The following RMST variants were observed in gnomAD, a reference collection of about 807,000 sequenced individuals.
The protein encoded by RMST is long intergenic non-protein coding RNA 54.
chr12:97,489,887 A>T (rs999024200), intron 5 of RMST, among the ~76,000 whole-genome samples: 7 of 152,178 alleles, frequency 4.6e-5, no homozygotes, highest in African/African-American at 1.7e-4. Flanking sequence ...TTCCCATTTT[A>T]TAGACAGTGG....
At chr12:97,535,133 G>A (rs973822464) in intron 11 of RMST, among the ~76,000 whole-genome samples, 1 of 151,614 alleles carries the variant, frequency 6.6e-6, no homozygotes, top group African/African-American at 2.4e-5. Flanking sequence ...ATAATGGTCA[G>A]TGGAATTACT....
chr12:97,557,022 C>T (rs191572576), intron 11 of RMST, among the ~76,000 whole-genome samples: 4 of 151,872 alleles, frequency 2.6e-5, no homozygotes, highest in African/African-American at 7.3e-5. Context: ...AGGTGCTTAA[C>T]GTTTTTGGTC....
chr12:97,530,524 C>T (rs1881533600), intron 10 of RMST: 1 of 152,052 alleles, frequency 6.6e-6, no homozygotes, highest in East Asian at 1.9e-4. Flanking sequence ...CTCTCGGAAT[C>T]TAAATGTGAC....
intron 10 of RMST, among the ~76,000 whole-genome samples, chr12:97,520,336 T>G (rs1880384148): frequency 6.6e-6 from 1 of 152,166 alleles, no homozygotes; most frequent in Non-Finnish European, 1.5e-5. Flanking sequence ...TTAATCCGTA[T>G]GTTTTAGTCA....
intron 11 of RMST, chr12:97,533,878 T>C (rs1301514422): frequency 6.6e-6 from 1 of 151,918 alleles, no homozygotes; most frequent in East Asian, 1.9e-4. Flanking sequence ...CTATAGTTTA[T>C]TTTTGCACAA....
chr12:97,524,888 G>T (rs1880929920), intron 10 of RMST, among the ~76,000 whole-genome samples: 2 of 152,176 alleles, frequency 1.3e-5, no homozygotes, highest in South Asian at 4.1e-4. Context: ...TATTTGAAAA[G>T]ATAAGGAAAG....
intron 5 of RMST, among the ~76,000 whole-genome samples, chr12:97,472,888 C>T (rs1210200143): frequency 3.3e-5 from 5 of 152,034 alleles, no homozygotes; most frequent in African/African-American, 9.7e-5. Context: ...CTCAATCATT[C>T]AATTGGCTTT....
chr12:97,494,249 T>C (rs553667765), intron 8 of RMST, among the ~76,000 whole-genome samples: 1 of 152,320 alleles, frequency 6.6e-6, no homozygotes, highest in Admixed American at 6.5e-5. Flanking sequence ...AATTGTTAAT[T>C]TTTATAATGA....
intron 9 of RMST, chr12:97,494,921 G>A (rs1047447696): frequency 1.3e-5 from 2 of 151,974 alleles, no homozygotes; most frequent in Non-Finnish European, 2.9e-5. Context: ...GATTTCATAC[G>A]ATTTTACTTA....
intron 11 of RMST, among the ~76,000 whole-genome samples, chr12:97,558,691 T>A (rs1883883950): frequency 6.6e-6 from 1 of 152,136 alleles, no homozygotes; most frequent in African/African-American, 2.4e-5. Context: ...AATGGAGATA[T>A]TGATGCCCTG....
chr12:97,549,787 A>T (rs1883187895), intron 11 of RMST, among the ~76,000 whole-genome samples: 3 of 152,330 alleles, frequency 2.0e-5, no homozygotes, highest in Middle Eastern at 3.4e-3. Context: ...ATGAGAAATC[A>T]TAAACATTAA....
intron 11 of RMST, among the ~76,000 whole-genome samples, chr12:97,553,431 A>G (rs1453410108): frequency 2.0e-5 from 3 of 152,186 alleles, no homozygotes; most frequent in Non-Finnish European, 4.4e-5. Context: ...GAGCTGTGCA[A>G]CCTGATTAAG....
intron 9 of RMST, among the ~76,000 whole-genome samples, chr12:97,495,426 A>G (rs965645218): frequency 2.0e-5 from 3 of 152,198 alleles, no homozygotes; most frequent in East Asian, 1.9e-4. Flanking sequence ...GAAGCTGAAC[A>G]TAAGTAAAAT....
intron 10 of RMST, among the ~76,000 whole-genome samples, chr12:97,514,580 C>A (rs371824318): frequency 1.3e-5 from 2 of 151,902 alleles, no homozygotes; most frequent in East Asian, 3.9e-4. Flanking sequence ...TTCTGGATTT[C>A]GATTAGTTCA....
chr12:97,546,759 G>A (rs2136637698), intron 11 of RMST, among the ~76,000 whole-genome samples: 1 of 152,076 alleles, frequency 6.6e-6, no homozygotes, highest in East Asian at 1.9e-4. Flanking sequence ...AGTGGTTCAA[G>A]GAAGCTAATT....
chr12:97,470,630 A>G (rs1873803108), intron 5 of RMST, among the ~76,000 whole-genome samples: 1 of 152,050 alleles, frequency 6.6e-6, no homozygotes, highest in Non-Finnish European at 1.5e-5. Context: ...TGTCACTTTT[A>G]TCTATATTAA....
rs141960468 is a variant in RMST at position 97,547,010 on chromosome 12, C to G, written n.1546-13527C>G. Among the ~76,000 whole-genome samples, 348 of 151,894 alleles carry G rather than the reference C, an allele frequency of 2.3e-3. 1 individual carries two copies. Among genetic ancestry groups the G allele is most frequent in the African/African-American group, 8.0e-3 (330 of 41,450 alleles). On this transcript the variant is annotated intron_variant and non_coding_transcript_variant, in intron 11 of 13. Transcript: ENST00000640149. ...TTTCTCTATCTTTCTATGAGTTAAACTTTTGTAGATTCCACATATAAGTGA... is the reference window on the plus strand; with the variant it reads ...TTTCTCTATCTTTCTATGAGTTAAAGTTTTGTAGATTCCACATATAAGTGA...
chr12:97,467,279 A>G (rs1214126543), intron 5 of RMST, among the ~76,000 whole-genome samples: 1 of 152,026 alleles, frequency 6.6e-6, no homozygotes, highest in African/African-American at 2.4e-5. Context: ...GGAGATGTAC[A>G]CACAAGTAAC....
intron 11 of RMST, among the ~76,000 whole-genome samples, chr12:97,535,307 C>A (rs1408017488): frequency 6.6e-6 from 1 of 151,596 alleles, no homozygotes; most frequent in Non-Finnish European, 1.5e-5. Context: ...CTATTTGATA[C>A]AATTTACGCT....
Sources: allele counts gnomAD v4.1 joint callset (sites outside exome capture counted in the v4.1 genomes callset), GRCh38; gene constraint gnomAD v4.1.1; transcripts MANE v1.5; gene names NCBI Gene and HGNC (gene_info 2026-07-23, HGNC 2026-07-21).